Variants in DENND2A observed in about 807,000 individuals in gnomAD.
DENND2A encodes the protein DENN domain containing 2A.
DENND2A carries 53 observed loss-of-function variants against 105.3 expected under a neutral mutation model. That is an observed-to-expected ratio of 0.50 (90% CI 0.40 to 0.63). The LOEUF is 0.63. DENND2A is among the 30% of genes least tolerant of loss of function. The pLI is 0.00. For synonymous variants in DENND2A, 522 were observed against 508.4 expected, an observed-to-expected ratio of 1.03 and a Z score of -0.36; for missense variants, 1,138 against 1,279.6, an observed-to-expected ratio of 0.89 and a Z score of 1.69.
chr7:140,591,035 C>A (rs112372283), intron 3 of DENND2A, among the ~76,000 whole-genome samples: 6,846 of 151,996 alleles, frequency 0.045, 498 homozygotes, highest in African/African-American at 0.15. Flanking sequence ...CAGTAGCTCA[C>A]ACCTATAATC....
At chr7:140,567,296 AAGAGAG>A (rs776985629) in intron 8 of DENND2A, 23 bp from the exon 9 acceptor site, 10 of 830,716 alleles carry the variant, frequency 1.2e-5, no homozygotes, top group Non-Finnish European at 1.6e-5. Context: ...GGGAGAGAGA[AAGAGAG>A]AAAGAGAGAG....
At chr7:140,585,492 G>A in intron 5 of DENND2A, 97 bp downstream of exon 5, 3 of 1,540,910 alleles carry the variant, frequency 1.9e-6, no homozygotes, top group Non-Finnish European at 2.7e-6. Context: ...GGCAGGTGGA[G>A]GTGGCCTGGA....
At chr7:140,578,183 C>T (rs1403444899) in intron 5 of DENND2A, among the ~76,000 whole-genome samples, 2 of 152,172 alleles carry the variant, frequency 1.3e-5, no homozygotes, top group African/African-American at 4.8e-5. Flanking sequence ...CCTGCTGAAG[C>T]CTCTTCAGTT....
At chr7:140,525,847 A>G in intron 15 of DENND2A, 55 bp from the exon 16 acceptor site, 1 of 1,474,724 alleles carries the variant, frequency 6.8e-7, no homozygotes. Flanking sequence ...TGGGATAGGG[A>G]TGGACTCATA....
rs6464904 is a variant in DENND2A, at chr7:140,612,291, T to C, written c.-247-6485A>G. On this transcript the variant is annotated intron_variant, in intron 1 of 19. Transcript: ENST00000496613. The stretch of plus-strand genomic sequence containing the variant: ...GATGGTGAATGTTATGTGCATTCTA[T>C]CTCAGTGGAAATAAATTATGTAAGT... Among the ~76,000 whole-genome samples the C allele has an allele frequency of 8.6e-3, 1,304 of 151,526 alleles. 24 individuals are homozygous for C. Among genetic ancestry groups the C allele is most frequent in the African/African-American group, 0.03 (1,233 of 41,224 alleles).
intron 3 of DENND2A, among the ~76,000 whole-genome samples, chr7:140,598,950 A>C (rs1314153142): frequency 2.6e-5 from 4 of 151,976 alleles, no homozygotes; most frequent in Admixed American, 1.3e-4. Flanking sequence ...TTTTTTTTGC[A>C]TATGACATGA....
intron 1 of DENND2A, among the ~76,000 whole-genome samples, chr7:140,606,471 A>C (rs536881688): frequency 2.6e-5 from 4 of 152,236 alleles, no homozygotes; most frequent in Non-Finnish European, 2.9e-5. Flanking sequence ...TGATGAGCTA[A>C]TAGTCCCCAA....
At chr7:140,521,369 G>C (rs1052119997) in intron 18 of DENND2A, among the ~76,000 whole-genome samples, 16 of 151,806 alleles carry the variant, frequency 1.1e-4, no homozygotes, top group Admixed American at 2.6e-4. Flanking sequence ...CACCTCCCAG[G>C]CTCAAGTGAT....
chr7:140,625,325 C>T (rs1180711584), intron 1 of DENND2A, among the ~76,000 whole-genome samples: 3 of 151,586 alleles, frequency 2.0e-5, no homozygotes, highest in Non-Finnish European at 2.9e-5. Context: ...TGCAGTGAGC[C>T]GAGATCGCGC....
intron 1 of DENND2A, among the ~76,000 whole-genome samples, chr7:140,629,790 C>T (rs536825366): frequency 2.6e-5 from 4 of 151,248 alleles, no homozygotes; most frequent in East Asian, 1.9e-4. Context: ...AAGTGAGGCA[C>T]GGGTTGCTCT....
At chr7:140,519,829 G>C in intron 18 of DENND2A, 111 bp from the exon 19 acceptor site, 1 of 952,508 alleles carries the variant, frequency 1.0e-6, no homozygotes. Context: ...AGACTAAGCT[G>C]CTCCTATAAA....
chr7:140,624,705 C>CA (rs934578546), intron 1 of DENND2A, among the ~76,000 whole-genome samples: 2 of 148,728 alleles, frequency 1.3e-5, no homozygotes, highest in Non-Finnish European at 3.0e-5. Flanking sequence ...ATTTCTTTTC[C>CA]TTTTTTTTTT....
At chr7:140,556,717 T>G (rs1259691119) in intron 11 of DENND2A, among the ~76,000 whole-genome samples, 1 of 152,216 alleles carries the variant, frequency 6.6e-6, no homozygotes, top group African/African-American at 2.4e-5. Flanking sequence ...TATCCATGCT[T>G]TTTATTTTAC....
chr7:140,583,778 T>C (rs1422421219), intron 5 of DENND2A, among the ~76,000 whole-genome samples: 1 of 146,172 alleles, frequency 6.8e-6, no homozygotes, highest in Non-Finnish European at 1.5e-5. Flanking sequence ...TACAAAAAAT[T>C]AGCCAGGCGT....
At chr7:140,601,378 T>G (rs1799477652) in intron 3 of DENND2A, 25 bp downstream of exon 3, 2 of 1,544,004 alleles carry the variant, frequency 1.3e-6, no homozygotes, top group African/African-American at 1.4e-5. Context: ...GTGGCGACAC[T>G]CTGCCTGGCC....
rs1797534409 is a variant in DENND2A at position 140,559,651 on chromosome 7, C to T, written c.1889+57G>A. On this transcript the variant is annotated intron_variant, in intron 10 of 19. Transcript: ENST00000496613. This position sits in a 1 kb window ranked among gnomAD's most constrained non-coding sequence, Gnocchi z 4.1. The stretch of plus-strand genomic sequence containing the variant: ...TCATGTGGTCTGCCACCTGTAACCC[C>T]GTCTCTAAGTCTCGCCTTAGTCTTT... 20 of 1,302,468 alleles carry T rather than the reference C, an allele frequency of 1.5e-5. No individual in the cohort carries two copies. Among genetic ancestry groups the T allele is most frequent in the Admixed American group, 3.6e-5 (2 of 56,234 alleles). 80.7% of individuals were successfully genotyped at this position (1,302,468 alleles called of 1,614,324 possible).
chr7:140,638,050 T>C (rs944815631), intron 1 of DENND2A, among the ~76,000 whole-genome samples: 2 of 152,140 alleles, frequency 1.3e-5, no homozygotes, highest in African/African-American at 4.8e-5. Context: ...TATCTTTCCA[T>C]CTTTTGTAAC....
chr7:140,567,337 AG>A, intron 8 of DENND2A, 64 bp from the exon 9 acceptor site: 4 of 1,401,072 alleles, frequency 2.9e-6, no homozygotes, highest in Non-Finnish European at 3.8e-6. Context: ...AGAGAGAGAG[AG>A]AGAGAGACAG....
At chr7:140,581,278 G>A (rs975570431) in intron 5 of DENND2A, among the ~76,000 whole-genome samples, 1 of 151,992 alleles carries the variant, frequency 6.6e-6, no homozygotes, top group African/African-American at 2.4e-5. Flanking sequence ...GAAAAGAAAA[G>A]AAACGGTGGG....
Sources: allele counts gnomAD v4.1 joint callset (sites outside exome capture counted in the v4.1 genomes callset), GRCh38; gene constraint gnomAD v4.1.1; non-coding constraint Gnocchi (gnomAD v3.1); transcripts MANE v1.5; gene names NCBI Gene and HGNC (gene_info 2026-07-23, HGNC 2026-07-21).